SRFBP1: variants seen among roughly 807,000 people sequenced by gnomAD.
SRFBP1 encodes serum response factor-binding protein 1.
Under a neutral mutation model 45.5 loss-of-function variants are expected in SRFBP1, and 47 were observed. That is an observed-to-expected ratio of 1.03 (90% confidence interval 0.82 to 1.32). The LOEUF (loss-of-function observed/expected upper bound fraction) is 1.32. SRFBP1 is among the 40% of genes most tolerant of loss of function. The pLI, the probability that SRFBP1 is intolerant of heterozygous loss-of-function variation, is 0.00. For missense variants in SRFBP1, 621 were observed against 484.6 expected, an observed-to-expected ratio of 1.28 and a Z score of -2.64; for synonymous variants, 203 against 166.3, an observed-to-expected ratio of 1.22 and a Z score of -1.70.
chr5:121,981,213 A>G (rs1561579261), intron 3 of SRFBP1, among the ~76,000 whole-genome samples: 1 of 151,886 alleles, frequency 6.6e-6, no homozygotes. Context: ...TAAAATTTCG[A>G]TTTTAGGAAG....
At chr5:122,012,952 G>C (rs1388167895) in intron 4 of SRFBP1, among the ~76,000 whole-genome samples, 1 of 152,062 alleles carries the variant, frequency 6.6e-6, no homozygotes, top group Non-Finnish European at 1.5e-5. Context: ...AGGAGTTTTT[G>C]CATTTCAACT....
At chr5:122,073,110 G>T (rs1348125921) in intron 2 of SRFBP1, among the ~76,000 whole-genome samples, 2 of 152,120 alleles carry the variant, frequency 1.3e-5, no homozygotes, top group Non-Finnish European at 2.9e-5. Context: ...TCCTGCCACA[G>T]CCCTGGAATT....
chr5:121,965,096 G>C (rs751026601), intron 1 of SRFBP1, among the ~76,000 whole-genome samples: 1 of 152,112 alleles, frequency 6.6e-6, no homozygotes, highest in Non-Finnish European at 1.5e-5. Context: ...TTAACCCTTT[G>C]TCCGATGGAT....
intron 2 of SRFBP1, 55 bp from the exon 3 acceptor site, chr5:121,975,260 A>G (rs1264129166): frequency 3.7e-5 from 58 of 1,556,186 alleles, no homozygotes; most frequent in East Asian, 4.5e-5. Context: ...CCATTACACT[A>G]TAAGTCTAAA....
At chr5:121,975,294 A>T in intron 2 of SRFBP1, 21 bp from the exon 3 acceptor site, 2 of 1,611,944 alleles carry the variant, frequency 1.2e-6, no homozygotes, top group Non-Finnish European at 1.7e-6. Context: ...CTGGCTACAT[A>T]TCGTAATGTA....
intron 2 of SRFBP1, among the ~76,000 whole-genome samples, chr5:122,054,219 G>A (rs903809374): frequency 2.0e-5 from 3 of 152,206 alleles, no homozygotes; most frequent in Admixed American, 2.0e-4. Context: ...CTGGGAGTGT[G>A]GTAGGGGTTT....
Position 122,020,170 on chromosome 5 carries a change from T to G in SRFBP1, c.435T>G (p.Ser145=). The stretch of plus-strand genomic sequence containing the variant: ...AGAATGCTTCAGAGGACAATCATTC[T>G]GAGAATACTTTGTATTCAAATGATA... ...SSKNASEDNH[S]ENTLYSNDNG... Residue 145 remains serine, a synonymous_variant, in exon 6 of 8, where the codon TCT becomes TCG. Coordinates refer to ENST00000339397, the MANE Select transcript of SRFBP1 (RefSeq NM_152546.3). 1 of 1,609,208 alleles carries G rather than the reference T, an allele frequency of 6.2e-7. No individual in the cohort carries two copies. Among genetic ancestry groups the G allele is most frequent in the Non-Finnish European group, 8.5e-7 (1 of 1,178,576 alleles).
intron 4 of SRFBP1, among the ~76,000 whole-genome samples, chr5:122,008,528 A>C (rs1019670231): frequency 9.9e-5 from 15 of 152,122 alleles, no homozygotes; most frequent in Non-Finnish European, 1.9e-4. Context: ...GGGTAACTTG[A>C]GTAGTATAAA....
downstream of SRFBP1, chr5:122,077,122 G>A (rs1580567262): frequency 1.3e-6 from 2 of 1,490,610 alleles, no homozygotes; most frequent in East Asian, 2.4e-5. The surrounding 1 kb of genome is among the most constrained non-coding windows in gnomAD (Gnocchi z 4.9). Flanking sequence ...AGAGTGGAGC[G>A]GAGGACAGCA....
chr5:121,997,202 G>A lies in SRFBP1; in HGVS notation c.270+2532G>A, dbSNP rs532899133. On this transcript the variant is annotated intron_variant, in intron 4 of 7. Coordinates refer to ENST00000339397, the MANE Select transcript of SRFBP1 (RefSeq NM_152546.3). Reference sequence around the variant, plus strand: ...ATGGAACCAAAAAAGAGCCCCCATCGCCAAGTCAATCCTAAGCCAAAAGAA... The same window carrying A: ...ATGGAACCAAAAAAGAGCCCCCATCACCAAGTCAATCCTAAGCCAAAAGAA... Among the ~76,000 whole-genome samples the A allele has an allele frequency of 7.1e-4, 105 of 148,708 alleles. 1 individual carries two copies. In the East Asian group the frequency reaches 0.013, roughly 18 times the overall value.
At chr5:122,057,680 C>T (rs1754107554) in intron 2 of SRFBP1, among the ~76,000 whole-genome samples, 1 of 151,590 alleles carries the variant, frequency 6.6e-6, no homozygotes, top group Non-Finnish European at 1.5e-5. Flanking sequence ...ATGAATCTAG[C>T]AATGTTCATT....
intron 5 of SRFBP1, 94 bp downstream of exon 5, chr5:122,019,435 A>G (rs1384721884): frequency 2.0e-6 from 2 of 984,606 alleles, no homozygotes; most frequent in East Asian, 2.6e-5. Context: ...AGGTTCTATT[A>G]TAAATATAAG....
At chr5:122,011,601 CTGCCTTGTATTAGTTATTTG>C (rs1480618165) in intron 4 of SRFBP1, among the ~76,000 whole-genome samples, 2 of 152,146 alleles carry the variant, frequency 1.3e-5, no homozygotes, top group Non-Finnish European at 2.9e-5. Context: ...CTATCACATT[CTGCCTTGTATTAGTTATTTG>C]TGCATTTGTC....
At chr5:122,075,595 C>CAA, downstream of SRFBP1, 1 of 1,207,192 alleles carries the variant, frequency 8.3e-7, no homozygotes, top group Non-Finnish European at 1.2e-6. Context: ...TAACTAAAGA[C>CAA]AAAACTACAA....
downstream of SRFBP1, chr5:122,075,625 G>A (rs1386796722): frequency 5.7e-6 from 5 of 881,716 alleles, no homozygotes; most frequent in East Asian, 2.7e-5. Context: ...CCATTATATA[G>A]TAGTGACAAT....
chr5:121,972,354 G>A (rs1264604484), intron 1 of SRFBP1, among the ~76,000 whole-genome samples: 1 of 151,850 alleles, frequency 6.6e-6, no homozygotes, highest in African/African-American at 2.4e-5. Context: ...TTCTCCACAC[G>A]ATTGAAAGAG....
intron 2 of SRFBP1, among the ~76,000 whole-genome samples, chr5:122,037,704 C>T (rs1753715178): frequency 6.6e-6 from 1 of 151,714 alleles, no homozygotes; most frequent in South Asian, 2.1e-4. Context: ...GAGATGGAGC[C>T]TCACCACGTT....
At chr5:122,066,671 GAAGTT>G (rs1754307971) in intron 2 of SRFBP1, 1 of 1,227,204 alleles carries the variant, frequency 8.1e-7, no homozygotes, top group Non-Finnish European at 1.2e-6. Context: ...AAATCCTACT[GAAGTT>G]AGTCTATTTT....
At chr5:122,077,687 G>A, downstream of SRFBP1, 1 of 1,600,218 alleles carries the variant, frequency 6.2e-7, no homozygotes, top group Non-Finnish European at 8.5e-7. This position sits in a 1 kb window ranked among gnomAD's most constrained non-coding sequence, Gnocchi z 4.9. Flanking sequence ...TCGCGCCGCG[G>A]CGGTGCGGTT....
Sources: gnomAD v4.1 joint callset for allele counts (sites outside exome capture counted in the v4.1 genomes callset) on GRCh38, gnomAD v4.1.1 for gene constraint, Gnocchi (gnomAD v3.1) non-coding constraint, MANE v1.5 for transcripts, NCBI Gene and HGNC (gene_info 2026-07-23, HGNC 2026-07-21) for gene names.